SRFBP1: variants seen among roughly 807,000 people sequenced by gnomAD.
The protein encoded by SRFBP1 is serum response factor binding protein 1.
Under a neutral mutation model 45.5 loss-of-function variants are expected in SRFBP1, and 47 were observed. That is an observed-to-expected ratio of 1.03 (90% CI 0.82 to 1.32). SRFBP1 has a LOEUF of 1.32. SRFBP1 is among the 40% of genes most tolerant of loss of function. The pLI is 0.00. For synonymous variants in SRFBP1, 203 were observed against 166.3 expected (o/e 1.22, Z -1.70); for missense variants, 621 against 484.6 (o/e 1.28, Z -2.64).
intron 2 of SRFBP1, among the ~76,000 whole-genome samples, chr5:122,072,787 A>T (rs1476487223): frequency 6.6e-6 from 1 of 152,238 alleles, no homozygotes; most frequent in East Asian, 1.9e-4. Flanking sequence ...GGGTCACCCC[A>T]AAGAAGGGGG....
chr5:122,049,031 T>C (rs1241320127), intron 2 of SRFBP1, among the ~76,000 whole-genome samples: 1 of 151,974 alleles, frequency 6.6e-6, no homozygotes, highest in African/African-American at 2.4e-5. Flanking sequence ...AGGGTTTTTT[T>C]GTGTCTCTGT....
rs1378814096 is a variant in SRFBP1 at position 122,073,934 on chromosome 5, G to A, written n.312-1381G>A. 4 of 1,281,546 alleles carry A rather than the reference G, an allele frequency of 3.1e-6. No homozygotes were observed. In the African/African-American group the frequency reaches 5.9e-5, roughly 19 times the overall value. The allele number at this position is 1,281,546 out of a possible 1,614,324, so 79.4% of individuals were successfully genotyped here. On this transcript the variant is annotated intron_variant and non_coding_transcript_variant, in intron 2 of 2. Coordinates refer to the SRFBP1 transcript ENST00000504881. ...AAAATGTGTGTGCTCTTCATGAAATGCTATTTAATGCTAACTAACGGTAGA... is the reference window on the plus strand; with the variant it reads ...AAAATGTGTGTGCTCTTCATGAAATACTATTTAATGCTAACTAACGGTAGA...
At chr5:122,077,567 G>A, downstream of SRFBP1, 1 of 1,613,016 alleles carries the variant, frequency 6.2e-7, no homozygotes, top group Non-Finnish European at 8.5e-7. The surrounding 1 kb of genome is among the most constrained non-coding windows in gnomAD (Gnocchi z 4.9). Context: ...CTCCGCGCGC[G>A]AGGCGCCAGC....
downstream of SRFBP1, among the ~76,000 whole-genome samples, chr5:122,032,853 T>C (rs1753612181): frequency 6.6e-6 from 1 of 152,242 alleles, no homozygotes; most frequent in African/African-American, 2.4e-5. Flanking sequence ...TGAAAATTGC[T>C]AAGTTCCCCT....
intron 4 of SRFBP1, among the ~76,000 whole-genome samples, chr5:122,009,399 A>C (rs1011537530): frequency 1.3e-5 from 2 of 152,056 alleles, no homozygotes; most frequent in African/African-American, 2.4e-5. Context: ...TTCCATTATG[A>C]TAATATTTTC....
intron 2 of SRFBP1, among the ~76,000 whole-genome samples, chr5:122,049,858 TG>T (rs1661673112): frequency 6.6e-6 from 1 of 152,192 alleles, no homozygotes; most frequent in Admixed American, 6.5e-5. Context: ...CCAGAATCTC[TG>T]GGACACATTC....
chr5:122,034,693 A>C (rs1753661235), intron 2 of SRFBP1, among the ~76,000 whole-genome samples: 1 of 152,110 alleles, frequency 6.6e-6, no homozygotes, highest in Non-Finnish European at 1.5e-5. Flanking sequence ...ATTTGCAATT[A>C]AGTATATTTA....
intron 3 of SRFBP1, among the ~76,000 whole-genome samples, chr5:121,982,433 C>T (rs1752428074): frequency 6.6e-6 from 1 of 151,816 alleles, no homozygotes; most frequent in African/African-American, 2.4e-5. Flanking sequence ...GGTCATATTC[C>T]TGAAATTCTT....
At chr5:122,006,672 TCTG>T (rs1752981859) in intron 4 of SRFBP1, among the ~76,000 whole-genome samples, 1 of 152,182 alleles carries the variant, frequency 6.6e-6, no homozygotes, top group Non-Finnish European at 1.5e-5. Context: ...TTTGATCAGT[TCTG>T]CTGTTGGTGT....
At chr5:122,001,546 CTTT>C (rs1166482651) in intron 4 of SRFBP1, among the ~76,000 whole-genome samples, 1 of 104,888 alleles carries the variant, frequency 9.5e-6, no homozygotes, top group Non-Finnish European at 1.9e-5. Flanking sequence ...CCTTTGGTAT[CTTT>C]TTTTTTTTTT....
At chr5:122,004,647 G>T (rs964565449) in intron 4 of SRFBP1, among the ~76,000 whole-genome samples, 4 of 151,624 alleles carry the variant, frequency 2.6e-5, no homozygotes, top group Non-Finnish European at 4.4e-5. Context: ...TTTTTCTCAC[G>T]TCTCTCTCAT....
intron 2 of SRFBP1, among the ~76,000 whole-genome samples, chr5:122,043,519 C>T (rs536055104): frequency 3.9e-5 from 6 of 152,248 alleles, no homozygotes; most frequent in Admixed American, 2.0e-4. Flanking sequence ...CCCAGCCTGT[C>T]GCTGTTTTCT....
chr5:121,974,756 C>G (rs1337220693), intron 2 of SRFBP1, among the ~76,000 whole-genome samples: 1 of 151,614 alleles, frequency 6.6e-6, no homozygotes, highest in African/African-American at 2.4e-5. Flanking sequence ...TGGAAAAATA[C>G]AATATTTTGT....
intron 4 of SRFBP1, among the ~76,000 whole-genome samples, chr5:122,012,338 A>T (rs1404222711): frequency 6.6e-6 from 1 of 152,156 alleles, no homozygotes; most frequent in Non-Finnish European, 1.5e-5. Context: ...CTTAGAAAGA[A>T]TAAAAATCCT....
intron 4 of SRFBP1, among the ~76,000 whole-genome samples, chr5:122,004,062 G>A (rs189847767): frequency 6.6e-6 from 1 of 152,172 alleles, no homozygotes; most frequent in East Asian, 1.9e-4. Context: ...AGCCTCCCAA[G>A]GTGGGAGGTG....
chr5:122,037,072 A>G (rs766026689), intron 2 of SRFBP1, among the ~76,000 whole-genome samples: 123 of 151,858 alleles, frequency 8.1e-4, no homozygotes, highest in African/African-American at 2.8e-3. Context: ...CTAATTTTGT[A>G]TTTTTGGTAG....
intron 3 of SRFBP1, among the ~76,000 whole-genome samples, chr5:121,980,333 T>A (rs1752383955): frequency 6.6e-6 from 1 of 152,180 alleles, no homozygotes; most frequent in South Asian, 2.1e-4. Flanking sequence ...GGCACTTGAT[T>A]TAAGTGCCAT....
At chr5:122,025,410 C>T (rs901584798) in intron 7 of SRFBP1, among the ~76,000 whole-genome samples, 7 of 151,990 alleles carry the variant, frequency 4.6e-5, no homozygotes, top group African/African-American at 1.5e-4. Context: ...TGAATAGTGC[C>T]GCAATAAACA....
intron 2 of SRFBP1, among the ~76,000 whole-genome samples, chr5:122,045,338 G>T (rs1753838432): frequency 6.6e-6 from 1 of 152,106 alleles, no homozygotes; most frequent in Non-Finnish European, 1.5e-5. Flanking sequence ...GGCTGTTTGG[G>T]CTCTTTTTTG....
Sources: gnomAD v4.1 joint callset for allele counts (sites outside exome capture counted in the v4.1 genomes callset) on GRCh38, gnomAD v4.1.1 for gene constraint, Gnocchi (gnomAD v3.1) non-coding constraint, MANE v1.5 for transcripts, NCBI Gene and HGNC (gene_info 2026-07-23, HGNC 2026-07-21) for gene names.